The following TES variants were observed in gnomAD, a reference collection of about 807,000 sequenced individuals.
The protein encoded by TES is testin.
Under a neutral mutation model 48.2 loss-of-function variants are expected in TES, and 41 were observed. That is an observed-to-expected ratio of 0.85 (90% CI 0.66 to 1.10). The LOEUF (loss-of-function observed/expected upper bound fraction) is 1.10, where lower values mean the gene tolerates loss of function less well. TES is among the 50% of genes least tolerant of loss of function. The probability of loss-of-function intolerance (pLI) is 0.00; values close to 1 mark genes in which losing one functional copy is unlikely to be tolerated. For synonymous variants in TES, 162 were observed against 174.9 expected (o/e 0.93, Z 0.58); for missense variants, 463 against 515.1 (o/e 0.90, Z 0.98).
intron 2 of TES, among the ~76,000 whole-genome samples, chr7:116,234,880 T>G (rs1339616823): frequency 6.6e-6 from 1 of 152,236 alleles, no homozygotes; most frequent in Non-Finnish European, 1.5e-5. Context: ...CCTGAAATAC[T>G]GAATATATCA....
chr7:116,232,552 A>AG (rs1799712913), intron 1 of TES, among the ~76,000 whole-genome samples: 4 of 132,870 alleles, frequency 3.0e-5, no homozygotes, highest in African/African-American at 1.2e-4. Flanking sequence ...GGCCTGAAAA[A>AG]GAAAACTTTT....
intron 1 of TES, among the ~76,000 whole-genome samples, chr7:116,230,163 T>C (rs948404686): frequency 2.1e-4 from 32 of 152,318 alleles, no homozygotes; most frequent in African/African-American, 7.5e-4. Flanking sequence ...TGTTTTTAAT[T>C]AGGACTGCTT....
At chr7:116,215,034 A>G (rs1799478632) in intron 1 of TES, among the ~76,000 whole-genome samples, 1 of 152,220 alleles carries the variant, frequency 6.6e-6, no homozygotes, top group Non-Finnish European at 1.5e-5. Context: ...TTCTTGAGAG[A>G]TGAATCCATA....
At chr7:116,216,274 T>A (rs1313612403) in intron 1 of TES, among the ~76,000 whole-genome samples, 1 of 152,132 alleles carries the variant, frequency 6.6e-6, no homozygotes, top group Non-Finnish European at 1.5e-5. Flanking sequence ...TTAGGAAAGG[T>A]CAGTAAGTCT....
At chr7:116,217,336 G>C (rs1257402262) in intron 1 of TES, among the ~76,000 whole-genome samples, 1 of 152,090 alleles carries the variant, frequency 6.6e-6, no homozygotes, top group Non-Finnish European at 1.5e-5. Flanking sequence ...GATTATGAAT[G>C]CATAAAGCTA....
At position 116,258,702 on chromosome 7, in the gene TES, T is replaced by G. The variant is rs1166542305; in HGVS notation, c.*1220T>G. ...TAATGTTTATTCTTCCCTGTGTACT[T>G]CTACACATAGCTATGCACTATGAAA... On this transcript the variant is annotated 3_prime_UTR_variant, in exon 7 of 7. Coordinates refer to ENST00000358204, the MANE Select transcript of TES (RefSeq NM_015641.4). 1 of 152,670 alleles carries G rather than the reference T, an allele frequency of 6.6e-6. No homozygotes were observed. Among genetic ancestry groups the G allele is most frequent in the Non-Finnish European group, 1.5e-5 (1 of 68,048 alleles). The allele number at this position is 152,670 out of a possible 1,614,324, so 9.5% of individuals were successfully genotyped here. A position where few individuals can be genotyped will look rare whatever the true frequency, so the allele number is the denominator to read the frequency against.
intron 4 of TES, chr7:116,251,448 T>C (rs551369800): frequency 1.0e-3 from 281 of 280,846 alleles, no homozygotes; most frequent in Non-Finnish European, 1.6e-3. Flanking sequence ...TTTGGGAGGC[T>C]GAGGCGGGTG....
chr7:116,234,730 T>C, intron 2 of TES, 111 bp downstream of exon 2: 1 of 812,892 alleles, frequency 1.2e-6, no homozygotes, highest in East Asian at 2.5e-5. Context: ...GTTGCAGACC[T>C]GTTACTGTCT....
Position 116,234,564 on chromosome 7 carries a change from G to C in TES, c.58G>C (p.Ala20Pro), listed in dbSNP as rs750374672. 1 of 1,613,890 alleles carries C rather than the reference G, an allele frequency of 6.2e-7. No homozygotes were observed. The highest frequency in any genetic ancestry group is 1.1e-5 in the South Asian group (1 of 91,086). The change falls in exon 2 of 7, where the codon GCC becomes CCC. Residue 20 changes from alanine (A) to proline (P), a missense_variant. Physicochemically the swap from Ala to Pro is conservative, Grantham distance 27. Transcript: ENST00000358204. The part of the protein sequence containing the change: ...MGLGHEQGFG[A>P]PCLKCKEKCE... ...CTTAGGTCACGAGCAAGGATTTGGAGCCCCTTGTTTAAAATGCAAAGAAAA... is the reference window on the plus strand; with the variant it reads ...CTTAGGTCACGAGCAAGGATTTGGACCCCCTTGTTTAAAATGCAAAGAAAA...
intron 2 of TES, among the ~76,000 whole-genome samples, chr7:116,236,537 A>T (rs894645910): frequency 6.6e-6 from 1 of 152,206 alleles, no homozygotes; most frequent in African/African-American, 2.4e-5. Context: ...AATTTAAAAA[A>T]AATTTGAAAT....
At chr7:116,250,112 C>A in intron 3 of TES, 49 bp from the exon 4 acceptor site, 1 of 1,446,814 alleles carries the variant, frequency 6.9e-7, no homozygotes, top group Non-Finnish European at 9.1e-7. Flanking sequence ...TGAAACATCA[C>A]ACTGCCTAAT....
intron 2 of TES, among the ~76,000 whole-genome samples, chr7:116,246,683 TCTTTC>T (rs1479065194): frequency 6.6e-6 from 1 of 152,164 alleles, no homozygotes; most frequent in Non-Finnish European, 1.5e-5. Context: ...TAGAGACTTT[TCTTTC>T]CTTTTCTCCT....
intron 1 of TES, among the ~76,000 whole-genome samples, chr7:116,224,681 T>G (rs1799600173): frequency 6.6e-6 from 1 of 152,178 alleles, no homozygotes. Flanking sequence ...GACTTCCATG[T>G]TAGTGTAGCT....
intron 1 of TES, among the ~76,000 whole-genome samples, chr7:116,226,216 C>G (rs1799619181): frequency 1.3e-5 from 2 of 152,218 alleles, no homozygotes; most frequent in Non-Finnish European, 2.9e-5. Context: ...TTGTAAATCT[C>G]AGACACTGGC....
chr7:116,236,389 T>A (rs148395674), intron 2 of TES, among the ~76,000 whole-genome samples: 1 of 152,312 alleles, frequency 6.6e-6, no homozygotes, highest in Non-Finnish European at 1.5e-5. Context: ...CCTTTGTGTC[T>A]TGTACAAAAT....
rs1306855187 is a variant in TES at position 116,252,486 on chromosome 7, G to T, written c.1077+10G>T. ...GAAGAATCACGCTGTGGTGAGAAGTGTTCTAAGGATATGGTTGCCTCAGCC... is the reference window on the plus strand; with the variant it reads ...GAAGAATCACGCTGTGGTGAGAAGTTTTCTAAGGATATGGTTGCCTCAGCC... On this transcript the variant is annotated intron_variant, in intron 6 of 6. Coordinates refer to ENST00000358204, the MANE Select transcript of TES (RefSeq NM_015641.4). 1 of 1,614,134 alleles carries T rather than the reference G, an allele frequency of 6.2e-7. No individual in the cohort carries two copies. Among genetic ancestry groups the T allele is most frequent in the Admixed American group, 1.7e-5 (1 of 60,030 alleles).
At chr7:116,243,918 T>C (rs938829566) in intron 2 of TES, 1 of 152,176 alleles carries the variant, frequency 6.6e-6, no homozygotes, top group African/African-American at 2.4e-5. Context: ...CTTCTTCACA[T>C]GGTGGCAGCA....
Position 116,219,721 on chromosome 7 carries a change from C to A in TES, c.27+8987C>A, listed in dbSNP as rs1473203156. ...ATTACGTGGGAATGAAGGATTGGGACCATTACTTCAGTCTACCACGTGTGC... is the reference window on the plus strand; with the variant it reads ...ATTACGTGGGAATGAAGGATTGGGAACATTACTTCAGTCTACCACGTGTGC... On this transcript the variant is annotated intron_variant, in intron 1 of 6. Transcript: ENST00000358204. 2.0e-5 allele frequency among the ~76,000 whole-genome samples: 3 copies of A among 152,082 alleles called. No homozygotes were observed. The East Asian group carries it at 5.8e-4, about 29-fold the overall frequency.
Position 116,257,464 on chromosome 7 carries a change from TAAG to T in TES, c.1253_1255del (p.Lys418del). On this transcript the variant is annotated inframe_deletion, in exon 7 of 7. Transcript: ENST00000358204. ...GGATGGTTTTCTGTTCAGTGGAATG[TAAG>T]AAGAGGATGTCTTAGGAGGAGGGCA... The T allele has an allele frequency of 1.2e-6, 2 of 1,611,808 alleles. No homozygotes were observed. The highest frequency in any genetic ancestry group is 1.3e-5 in the African/African-American group (1 of 74,934).
Sources: allele counts gnomAD v4.1 joint callset (sites outside exome capture counted in the v4.1 genomes callset), GRCh38; gene constraint gnomAD v4.1.1; transcripts MANE v1.5; gene names NCBI Gene and HGNC (gene_info 2026-07-23, HGNC 2026-07-21).